SLC37A1: variants seen among roughly 807,000 people sequenced by gnomAD.
SLC37A1 encodes the protein glucose-6-phosphate exchanger SLC37A1.
SLC37A1 carries 49 observed loss-of-function variants against 75.3 expected under a neutral mutation model. That is an observed-to-expected ratio of 0.65 (90% CI 0.52 to 0.83). SLC37A1 has a LOEUF of 0.83. Ranked by LOEUF, SLC37A1 falls within the 40% of genes least tolerant of loss-of-function variation. SLC37A1 has a pLI of 0.00. For missense variants in SLC37A1, 566 were observed against 695.0 expected (o/e 0.81, Z 2.09); for synonymous variants, 268 against 292.1 (o/e 0.92, Z 0.84).
chr21:42,568,759 T>TAA (rs1218159942), intron 17 of SLC37A1, among the ~76,000 whole-genome samples: 1 of 151,854 alleles, frequency 6.6e-6, no homozygotes, highest in African/African-American at 2.4e-5. Context: ...GGCAGAATCT[T>TAA]ATTTAAATTA....
chr21:42,506,040 G>T (rs966864333), intron 2 of SLC37A1, among the ~76,000 whole-genome samples: 1 of 152,218 alleles, frequency 6.6e-6, no homozygotes, highest in Non-Finnish European at 1.5e-5. Flanking sequence ...TGAAGTGGAG[G>T]CTGGGCAGGC....
At chr21:42,554,645 C>A (rs909910842) in intron 10 of SLC37A1, among the ~76,000 whole-genome samples, 1 of 152,218 alleles carries the variant, frequency 6.6e-6, no homozygotes, top group African/African-American at 2.4e-5. Context: ...AAACTGACAT[C>A]ATGGGACCAA....
chr21:42,521,220 G>A (rs562497808), intron 2 of SLC37A1, among the ~76,000 whole-genome samples: 1 of 152,198 alleles, frequency 6.6e-6, no homozygotes, highest in Non-Finnish European at 1.5e-5. Context: ...GAACTATGAG[G>A]CAGACAGCAC....
rs554019659 is a variant in SLC37A1, at chr21:42,530,330, T to C, written c.139-4368T>C. Among the ~76,000 whole-genome samples, 8 of 152,248 alleles carry C rather than the reference T, an allele frequency of 5.3e-5. No individual in the cohort carries two copies. The South Asian group carries it at 1.4e-3, about 28-fold the overall frequency. On this transcript the variant is annotated intron_variant, in intron 3 of 19. Coordinates refer to ENST00000352133, the MANE Select transcript of SLC37A1 (RefSeq NM_001320537.2). Reference sequence around the variant, plus strand: ...GAGCATTTGCGTGTCTGTCCCTGAGTGTGTATAATGCATTTCACGTGGCAC... The same window carrying C: ...GAGCATTTGCGTGTCTGTCCCTGAGCGTGTATAATGCATTTCACGTGGCAC...
chr21:42,567,047 T>G lies in SLC37A1; in HGVS notation c.1333T>G (p.Ser445Ala), dbSNP rs748624618. 3.3e-5 allele frequency: 53 copies of G among 1,609,204 alleles called. No homozygotes were observed. Among genetic ancestry groups the G allele is most frequent in the Non-Finnish European group, 4.4e-5 (52 of 1,179,882 alleles). ...CTACACACTCATCACCACCGCCGTC[T>G]CCGCCGACCTGGTGAGTAGAACCGG... ...GPYTLITTAV[S>A]ADLGTHKSLK... is the part of the protein sequence containing the mutation. The change falls in exon 16 of 20, where the codon TCC (serine) becomes GCC (alanine). Residue 445 changes from serine (S) to alanine (A), a missense_variant. Ser to Ala is a moderately conservative substitution (Grantham distance 99). Transcript: ENST00000352133.
chr21:42,525,746 A>G (rs991152521), intron 2 of SLC37A1, 30 bp from the exon 3 acceptor site: 1 of 1,515,144 alleles, frequency 6.6e-7, no homozygotes, highest in East Asian at 2.3e-5. Flanking sequence ...GTTATTTCAT[A>G]TCATCCTCTC....
chr21:42,509,873 G>A (rs1008310529), upstream of SLC37A1, among the ~76,000 whole-genome samples: 1 of 152,292 alleles, frequency 6.6e-6, no homozygotes, highest in Middle Eastern at 3.4e-3. The surrounding 1 kb of genome is among the most constrained non-coding windows in gnomAD (Gnocchi z 4.2). Flanking sequence ...TTCTAAGCAT[G>A]AGGTATTTTC....
chr21:42,547,193 C>T lies in SLC37A1; in HGVS notation c.768+53C>T. On this transcript the variant is annotated intron_variant, in intron 9 of 19. Coordinates refer to ENST00000352133, the MANE Select transcript of SLC37A1 (RefSeq NM_001320537.2). The surrounding 1 kb of genome is among the most constrained non-coding windows in gnomAD (Gnocchi z 6.1). ...CTAGAACAGTGTGCGGTTCTGACCA[C>T]TTCCCCAGCCTGCTCCTGCCTGTGC... 6.3e-7 allele frequency: 1 copy of T among 1,595,234 alleles called. No homozygotes were observed. The highest frequency in any genetic ancestry group is 8.6e-7 in the Non-Finnish European group (1 of 1,162,894).
chr21:42,509,527 C>T (rs2054415913), upstream of SLC37A1: 1 of 152,240 alleles, frequency 6.6e-6, no homozygotes. This position sits in a 1 kb window ranked among gnomAD's most constrained non-coding sequence, Gnocchi z 4.2. Flanking sequence ...TCCTGTAGGA[C>T]TGGGAACGCC....
intron 2 of SLC37A1, among the ~76,000 whole-genome samples, chr21:42,504,632 G>C (rs1429271078): frequency 6.6e-6 from 1 of 152,156 alleles, no homozygotes. Flanking sequence ...CTGCAAGACA[G>C]GCGTCTTACT....
chr21:42,546,689 G>A (rs75517672), intron 8 of SLC37A1, among the ~76,000 whole-genome samples: 2,382 of 152,350 alleles, frequency 0.016, 60 homozygotes, highest in African/African-American at 0.054. Flanking sequence ...GGGCGTGTGC[G>A]GGAGTCACTG....
chr21:42,570,465 G>A (rs191791328), intron 17 of SLC37A1, among the ~76,000 whole-genome samples: 207 of 152,336 alleles, frequency 1.4e-3, no homozygotes, highest in African/African-American at 4.8e-3. Context: ...GGTGGCGGCA[G>A]TAGTCACCCC....
At chr21:42,542,824 C>T (rs1419883774) in intron 7 of SLC37A1, among the ~76,000 whole-genome samples, 1 of 152,258 alleles carries the variant, frequency 6.6e-6, no homozygotes, top group African/African-American at 2.4e-5. Flanking sequence ...TGGGAAGTCC[C>T]GACCTGGGTC....
At chr21:42,518,890 G>A (rs1161021524) in intron 2 of SLC37A1, among the ~76,000 whole-genome samples, 2 of 152,210 alleles carry the variant, frequency 1.3e-5, no homozygotes, top group Non-Finnish European at 2.9e-5. Context: ...GCCTTGCCGG[G>A]GCAGAACTTT....
chr21:42,531,242 C>T (rs1009782615), intron 3 of SLC37A1, among the ~76,000 whole-genome samples: 4 of 152,200 alleles, frequency 2.6e-5, no homozygotes, highest in Non-Finnish European at 4.4e-5. Flanking sequence ...ACACTCGTCG[C>T]GCTGTGACTC....
intron 3 of SLC37A1, chr21:42,526,112 G>T: frequency 2.5e-6 from 1 of 407,450 alleles, no homozygotes; most frequent in Non-Finnish European, 4.4e-6. Context: ...TGAAAGCTTA[G>T]CTAAATATTT....
intron 10 of SLC37A1, 65 bp from the exon 11 acceptor site, chr21:42,558,893 C>T: frequency 1.9e-6 from 3 of 1,605,920 alleles, no homozygotes; most frequent in Non-Finnish European, 2.5e-6. Flanking sequence ...AGCCTGGCCC[C>T]ACTTCACCCA....
At chr21:42,507,212 T>C (rs935367596) in intron 2 of SLC37A1, among the ~76,000 whole-genome samples, 3 of 152,236 alleles carry the variant, frequency 2.0e-5, no homozygotes, top group Non-Finnish European at 4.4e-5. Context: ...TTGAGTTACA[T>C]AAGTCTTTTT....
chr21:42,505,768 T>C (rs1028619039), intron 2 of SLC37A1, among the ~76,000 whole-genome samples: 1 of 152,222 alleles, frequency 6.6e-6, no homozygotes, highest in Non-Finnish European at 1.5e-5. Flanking sequence ...TTTCTAAAAG[T>C]TAAAACCAGA....
Sources: allele counts gnomAD v4.1 joint callset (sites outside exome capture counted in the v4.1 genomes callset), GRCh38; gene constraint gnomAD v4.1.1; non-coding constraint Gnocchi (gnomAD v3.1); transcripts MANE v1.5; gene names NCBI Gene and HGNC (gene_info 2026-07-23, HGNC 2026-07-21).